The following PPP4R2 variants were observed in gnomAD, a reference collection of about 807,000 sequenced individuals.
The protein encoded by PPP4R2 is protein phosphatase 4 regulatory subunit 2.
PPP4R2 carries 13 observed loss-of-function variants against 47.2 expected under a neutral mutation model. That is an observed-to-expected ratio of 0.28 (90% CI 0.18 to 0.44). The LOEUF is 0.44. PPP4R2 is among the 20% of genes least tolerant of loss of function. PPP4R2 has a pLI of 1.00. For synonymous variants in PPP4R2, 151 were observed against 163.3 expected, an observed-to-expected ratio of 0.92 and a Z score of 0.57; for missense variants, 421 against 491.2, an observed-to-expected ratio of 0.86 and a Z score of 1.35.
chr3:73,003,217 G>T (rs1241456205), intron 2 of PPP4R2, among the ~76,000 whole-genome samples: 15 of 140,860 alleles, frequency 1.1e-4, no homozygotes, highest in Non-Finnish European at 1.7e-4. Context: ...TTTCCCTTTT[G>T]TTTTTTTTTT....
intron 2 of PPP4R2, among the ~76,000 whole-genome samples, chr3:73,000,443 C>T (rs969287363): frequency 1.3e-5 from 2 of 152,156 alleles, no homozygotes; most frequent in Admixed American, 6.5e-5. Context: ...TCAGTGACCC[C>T]CCAGGCTGCT....
At chr3:73,062,659 T>G (rs372516989) in intron 5 of PPP4R2, 1 of 1,613,840 alleles carries the variant, frequency 6.2e-7, no homozygotes, top group African/African-American at 1.3e-5. Context: ...TTGATAGGCA[T>G]TGCGGCTGGA....
intron 2 of PPP4R2, among the ~76,000 whole-genome samples, chr3:73,021,241 TTTTTTTTTTG>T (rs374977756): frequency 0.13 from 19,567 of 151,460 alleles, 1,545 homozygotes; most frequent in East Asian, 0.36. Flanking sequence ...AAATTTTTTT[TTTTTTTTTTG>T]TAACAGGATC....
rs1703028869 is a variant in PPP4R2, at chr3:73,067,663, C to G, written c.*1941C>G. 1 of 152,030 alleles carries G rather than the reference C, an allele frequency of 6.6e-6. No homozygotes were observed. Among genetic ancestry groups the G allele is most frequent in the South Asian group, 2.1e-4 (1 of 4,830 alleles). The allele number at this position is 152,030 out of a possible 1,614,324, so 9.4% of individuals were successfully genotyped here. A position where few individuals can be genotyped will look rare whatever the true frequency, so the allele number is the denominator to read the frequency against. The stretch of plus-strand genomic sequence containing the variant: ...ATTGTCAGTAAACTTACCTAAGATC[C>G]TGTGACCTTTTGATATTTTTTATTT... On this transcript the variant is annotated 3_prime_UTR_variant, in exon 9 of 9. Coordinates refer to ENST00000356692, the MANE Select transcript of PPP4R2 (RefSeq NM_174907.4).
In PPP4R2 at chr3:73,067,312, T is replaced by G. The variant is rs1223367592; in HGVS notation, c.*1590T>G. 1 of 152,106 alleles carries G rather than the reference T, an allele frequency of 6.6e-6. No individual in the cohort carries two copies. Among genetic ancestry groups the G allele is most frequent in the Non-Finnish European group, 1.5e-5 (1 of 67,966 alleles). The allele number at this position is 152,106 out of a possible 1,614,324, so 9.4% of individuals were successfully genotyped here. On this transcript the variant is annotated 3_prime_UTR_variant, in exon 9 of 9. Coordinates refer to ENST00000356692, the MANE Select transcript of PPP4R2 (RefSeq NM_174907.4). Reference sequence around the variant, plus strand: ...AAACAGTTTCTGACACTGTATAATATGCTTTTGGGTGATTTGGGGGGCAAC... The same window carrying G: ...AAACAGTTTCTGACACTGTATAATAGGCTTTTGGGTGATTTGGGGGGCAAC...
At chr3:73,006,701 G>T (rs912562834) in intron 2 of PPP4R2, among the ~76,000 whole-genome samples, 6 of 152,154 alleles carry the variant, frequency 3.9e-5, no homozygotes, top group African/African-American at 1.4e-4. Context: ...GCTCAAGTGA[G>T]CAAGACCTGC....
At chr3:73,008,046 C>G (rs1004422101) in intron 2 of PPP4R2, among the ~76,000 whole-genome samples, 1 of 149,694 alleles carries the variant, frequency 6.7e-6, no homozygotes, top group Non-Finnish European at 1.5e-5. Flanking sequence ...CCCACCCCCC[C>G]TCCCATAACC....
Position 73,047,337 on chromosome 3 carries a change from A to T in PPP4R2, c.268A>T (p.Ile90Phe). Residue 90 changes from isoleucine (I) to phenylalanine (F), a missense_variant, in exon 3 of 9, where the codon ATT becomes TTT. This residue lies in a region of PPP4R2 where 104 missense variants were observed against 203.7 expected (regional missense o/e 0.51). Coordinates refer to ENST00000356692, the MANE Select transcript of PPP4R2 (RefSeq NM_174907.4). ...FDEMKERILK[I>F]VTGFNGIPFT... ...TGAAATGAAGGAAAGAATACTGAAA[A>T]TTGTCACTGGATTTAATGGGTATGC... 6.2e-7 allele frequency: 1 copy of T among 1,610,050 alleles called. No homozygotes were observed. The highest frequency in any genetic ancestry group is 8.5e-7 in the Non-Finnish European group (1 of 1,177,872).
At chr3:73,039,792 T>A (rs1575868949) in intron 2 of PPP4R2, among the ~76,000 whole-genome samples, 1 of 152,042 alleles carries the variant, frequency 6.6e-6, no homozygotes, top group Non-Finnish European at 1.5e-5. Context: ...GTGGCTCACG[T>A]CTGTAATCCC....
At chr3:73,004,944 CGTGTGT>C (rs67945272) in intron 2 of PPP4R2, among the ~76,000 whole-genome samples, 18,291 of 116,694 alleles carry the variant, frequency 0.16, 1,426 homozygotes, top group South Asian at 0.24. Flanking sequence ...GAGTCGGAGT[CGTGTGT>C]GTGTGTGTGT....
In PPP4R2 at chr3:72,998,099, G is replaced by A. The variant is rs147908003; in HGVS notation, c.57G>A (p.Lys19=). 4.7e-5 allele frequency: 76 copies of A among 1,604,670 alleles called. No individual in the cohort carries two copies. Among genetic ancestry groups the A allele is most frequent in the East Asian group, 6.7e-5 (3 of 44,792 alleles). Residue 19 remains lysine (K), a synonymous_variant, in exon 2 of 9, where the codon AAG becomes AAA. Coordinates refer to ENST00000356692, the MANE Select transcript of PPP4R2 (RefSeq NM_174907.4). ...TAGATTTTGAGAAGAGGGGGAAAAA[G>A]GAAGTTTGTCCTGTCCTGGATCAGT... ...ALKDFEKRGK[K]EVCPVLDQFL...
chr3:73,065,130 A>G lies in PPP4R2; in HGVS notation c.917A>G (p.Glu306Gly), dbSNP rs750817764. ...GAAGAGGATGAAGAAGAGGATGAAG[A>G]GGAAGAAGAAGGTATTTAGAGACCA... is the stretch of plus-strand genomic sequence containing the variant. ...CTEEDEEEDE[E>G]EEEESFMTSR... Residue 306 changes from glutamate to glycine, a missense_variant, in exon 8 of 9, where the codon GAG becomes GGG. Glu to Gly is a moderately conservative substitution (Grantham distance 98). This residue lies in a region of PPP4R2 where 317 missense variants were observed against 287.5 expected (regional missense o/e 1.10). Coordinates refer to ENST00000356692, the MANE Select transcript of PPP4R2 (RefSeq NM_174907.4). The G allele has an allele frequency of 1.2e-6, 2 of 1,607,886 alleles. No individual in the cohort carries two copies. The highest frequency in any genetic ancestry group is 1.7e-6 in the Non-Finnish European group (2 of 1,177,312).
chr3:73,061,014 T>C lies in PPP4R2; in HGVS notation c.382-9T>C. 6.4e-7 allele frequency: 1 copy of C among 1,551,514 alleles called. No homozygotes were observed. The highest frequency in any genetic ancestry group is 8.7e-7 in the Non-Finnish European group (1 of 1,144,614). ...CTTCATACTAAATCACTGATTTTTG[T>C]TATTGCAGAATGTGATGGTTGTTAG... is the stretch of plus-strand genomic sequence containing the variant. On this transcript the variant is annotated splice_polypyrimidine_tract_variant and intron_variant, in intron 4 of 8. Transcript: ENST00000356692.
Position 73,068,828 on chromosome 3 carries a change from CAT to C in PPP4R2, c.*3107_*3108del, listed in dbSNP as rs1385648726. On this transcript the variant is annotated 3_prime_UTR_variant, in exon 9 of 9. Transcript: ENST00000356692. ...ATGTTTGATTATGAAAAAAATGTAA[CAT>C]GGTAAGGATGAAAATGCAACTTACA... 1 of 152,074 alleles carries C rather than the reference CAT, an allele frequency of 6.6e-6. No individual in the cohort carries two copies. The highest frequency in any genetic ancestry group is 1.5e-5 in the Non-Finnish European group (1 of 68,020). 9.4% of individuals were successfully genotyped at this position (152,074 alleles called of 1,614,324 possible).
At chr3:73,039,364 C>G (rs992844404) in intron 2 of PPP4R2, among the ~76,000 whole-genome samples, 1 of 152,176 alleles carries the variant, frequency 6.6e-6, no homozygotes, top group South Asian at 2.1e-4. Flanking sequence ...CTCAAGTGAT[C>G]CATCCACCTG....
At chr3:73,039,349 C>G (rs189609318) in intron 2 of PPP4R2, among the ~76,000 whole-genome samples, 225 of 152,282 alleles carry the variant, frequency 1.5e-3, no homozygotes, top group South Asian at 2.7e-3. Context: ...TCTCAAACTC[C>G]TGACCTCAAG....
chr3:73,026,844 A>G (rs928701879), intron 2 of PPP4R2, among the ~76,000 whole-genome samples: 3 of 152,144 alleles, frequency 2.0e-5, no homozygotes, highest in Admixed American at 6.5e-5. Flanking sequence ...TCCTGTAACT[A>G]GATGTCATGA....
chr3:73,051,772 C>G (rs963801670), intron 3 of PPP4R2, among the ~76,000 whole-genome samples: 2 of 152,062 alleles, frequency 1.3e-5, no homozygotes, highest in African/African-American at 4.8e-5. Context: ...ACTACAGGCA[C>G]CCGCCACCAC....
Position 73,065,529 on chromosome 3 carries a change from C to T in PPP4R2, c.1061C>T (p.Ala354Val), listed in dbSNP as rs778876392. 1.1e-5 allele frequency: 18 copies of T among 1,611,978 alleles called. No individual in the cohort carries two copies. The highest frequency in any genetic ancestry group is 1.7e-5 in the Admixed American group (1 of 59,988). The change falls in exon 9 of 9, where the codon GCT (alanine) becomes GTT (valine). Residue 354 changes from alanine to valine, a missense_variant. This residue lies in a region of PPP4R2 where 317 missense variants were observed against 287.5 expected (regional missense o/e 1.10). Coordinates refer to ENST00000356692, the MANE Select transcript of PPP4R2 (RefSeq NM_174907.4). ...NQMEESDVSQ[A>V]EKDLLHSEGS... ...ATGGAGGAATCTGATGTGTCTCAAG[C>T]TGAGAAAGATTTGCTACATTCTGAA...
Sources: gnomAD v4.1 joint callset for allele counts (sites outside exome capture counted in the v4.1 genomes callset) on GRCh38, gnomAD v4.1.1 for gene constraint, gnomAD v4.1.1 regional missense constraint, MANE v1.5 for transcripts, NCBI Gene and HGNC (gene_info 2026-07-23, HGNC 2026-07-21) for gene names.